Variants in SLC9D1 observed in about 807,000 individuals in gnomAD.
SLC9D1 encodes solute carrier family 9 member D1, also known as putative LAG1-interacting protein.
chr13:113,516,873 A>G, the SLC9D1 span, among the ~76,000 whole-genome samples: 1 of 152,176 alleles, frequency 6.6e-6, no homozygotes, highest in Non-Finnish European at 1.5e-5. Context: ...CTGGATTGTG[A>G]AGAAGGTGTG....
chr13:113,520,533 G>T, the SLC9D1 span: 4 of 782,988 alleles, frequency 5.1e-6, no homozygotes, highest in Admixed American at 2.6e-5. Context: ...GAGTTATTTT[G>T]GAAGTGTGTA....
chr13:113,543,995 C>G, the SLC9D1 span, among the ~76,000 whole-genome samples: 30 of 152,334 alleles, frequency 2.0e-4, no homozygotes, highest in Non-Finnish European at 4.3e-4. Context: ...TTCTGGAGTC[C>G]AGGCAGCACG....
chr13:113,513,525 A>C, the SLC9D1 span, among the ~76,000 whole-genome samples: 1 of 152,216 alleles, frequency 6.6e-6, no homozygotes, highest in Non-Finnish European at 1.5e-5. Flanking sequence ...TTTGGGAGGT[A>C]GTTAGAGTCA....
chr13:113,494,890 GT>G, the SLC9D1 span, among the ~76,000 whole-genome samples: 27,874 of 148,694 alleles, frequency 0.19, 3,394 homozygotes, highest in African/African-American at 0.35. Context: ...TTCTGTTTTT[GT>G]TTTTTTTTTG....
the SLC9D1 span, chr13:113,534,134 A>T: frequency 6.2e-7 from 1 of 1,613,650 alleles, no homozygotes; most frequent in Non-Finnish European, 8.5e-7. Context: ...CTTGTTATAA[A>T]GAAGTATCTC....
the SLC9D1 span, among the ~76,000 whole-genome samples, chr13:113,507,994 C>T: frequency 6.6e-6 from 1 of 152,258 alleles, no homozygotes; most frequent in Non-Finnish European, 1.5e-5. Flanking sequence ...GACCTGGGCG[C>T]ACCTGCAGAT....
chr13:113,519,348 T>C, the SLC9D1 span, among the ~76,000 whole-genome samples: 2 of 93,460 alleles, frequency 2.1e-5, no homozygotes, highest in Non-Finnish European at 4.0e-5. Flanking sequence ...GCCCAGCCGC[T>C]TTTTTTTTTT....
chr13:113,539,727 G>C, the SLC9D1 span, among the ~76,000 whole-genome samples: 11 of 152,164 alleles, frequency 7.2e-5, no homozygotes, highest in Non-Finnish European at 1.3e-4. This position sits in a 1 kb window ranked among gnomAD's most constrained non-coding sequence, Gnocchi z 4.8. Flanking sequence ...CTTCTGTCCA[G>C]CTTTTCCTTT....
chr13:113,528,817 C>G, the SLC9D1 span: 3 of 152,172 alleles, frequency 2.0e-5, no homozygotes, highest in Non-Finnish European at 4.4e-5. Flanking sequence ...CTTTTAGTCC[C>G]AACCGCCACA....
At chr13:113,549,872 GT>G in the SLC9D1 span, 2 of 530,408 alleles carry the variant, frequency 3.8e-6, no homozygotes, top group Non-Finnish European at 6.6e-6. Flanking sequence ...TCAGTTCATA[GT>G]TTTTTTAGTA....
At chr13:113,546,723 A>C in the SLC9D1 span, among the ~76,000 whole-genome samples, 1 of 152,142 alleles carries the variant, frequency 6.6e-6, no homozygotes. The surrounding 1 kb of genome is among the most constrained non-coding windows in gnomAD (Gnocchi z 7.1). Context: ...GCTGAGCCCA[A>C]GCTCAGGTCC....
the SLC9D1 span, among the ~76,000 whole-genome samples, chr13:113,497,517 G>A: frequency 6.7e-6 from 1 of 148,482 alleles, no homozygotes; most frequent in Non-Finnish European, 1.5e-5. Context: ...TGTGAGACCT[G>A]CAGCTGTGTG....
the SLC9D1 span, among the ~76,000 whole-genome samples, chr13:113,546,742 C>G: frequency 6.6e-6 from 1 of 152,198 alleles, no homozygotes; most frequent in African/African-American, 2.4e-5. The surrounding 1 kb of genome is among the most constrained non-coding windows in gnomAD (Gnocchi z 7.1). Flanking sequence ...CCAGCCCCAG[C>G]ACCGCCGGCC....
At chr13:113,533,348 G>A in the SLC9D1 span, among the ~76,000 whole-genome samples, 5 of 152,176 alleles carry the variant, frequency 3.3e-5, no homozygotes, top group East Asian at 1.9e-4. Flanking sequence ...TGAGATTTGC[G>A]TTTCCAGCAC....
At chr13:113,521,948 G>A in the SLC9D1 span, among the ~76,000 whole-genome samples, 5 of 152,182 alleles carry the variant, frequency 3.3e-5, no homozygotes, top group African/African-American at 1.2e-4. Context: ...ACAGCAATGA[G>A]TACAACTGAT....
chr13:113,496,519 T>C, the SLC9D1 span, among the ~76,000 whole-genome samples: 1 of 152,244 alleles, frequency 6.6e-6, no homozygotes, highest in Admixed American at 6.5e-5. Flanking sequence ...TGACCAAGTA[T>C]GCTTTTAAAA....
At chr13:113,499,905 A>G in the SLC9D1 span, 1 of 1,189,718 alleles carries the variant, frequency 8.4e-7, no homozygotes, top group Non-Finnish European at 1.1e-6. Context: ...TCATTCTCCA[A>G]AAATTGAAAG....
chr13:113,526,253 AC>A, the SLC9D1 span, among the ~76,000 whole-genome samples: 6 of 152,216 alleles, frequency 3.9e-5, no homozygotes, highest in South Asian at 2.1e-4. Context: ...ATAGAAAAAA[AC>A]GTATAGAATA....
At chr13:113,500,861 G>A in the SLC9D1 span, among the ~76,000 whole-genome samples, 14,245 of 152,232 alleles carry the variant, frequency 0.094, 982 homozygotes, top group Admixed American at 0.23. Context: ...ATGTGGTCAC[G>A]ATGGAGTGGG....
Sources: gnomAD v4.1 joint callset for allele counts (sites outside exome capture counted in the v4.1 genomes callset) on GRCh38, gnomAD v4.1.1 for gene constraint, Gnocchi (gnomAD v3.1) non-coding constraint, MANE v1.5 for transcripts, NCBI Gene and HGNC (gene_info 2026-07-23, HGNC 2026-07-21) for gene names.